CYRIA: variants seen among roughly 807,000 people sequenced by gnomAD.
CYRIA encodes the protein CYFIP related Rac1 interactor A.
Under a neutral mutation model 43.9 loss-of-function variants are expected in CYRIA, and 15 were observed. That is an observed-to-expected ratio of 0.34 (90% CI 0.23 to 0.53). The LOEUF is 0.53. Ranked by LOEUF, CYRIA falls within the 20% of genes least tolerant of loss-of-function variation. The pLI, the probability that CYRIA is intolerant of heterozygous loss-of-function variation, is 0.94. For synonymous variants in CYRIA, 117 were observed against 136.0 expected (o/e 0.86, Z 0.97); for missense variants, 236 against 394.2 (o/e 0.60, Z 3.40).
chr2:16,623,258 T>C (rs1234549445), intron 2 of CYRIA: 6 of 152,178 alleles, frequency 3.9e-5, no homozygotes. Flanking sequence ...GACATTCTAG[T>C]AGATGTGGCC....
intron 6 of CYRIA, 126 bp downstream of exon 6, chr2:16,561,879 C>G: frequency 1.1e-6 from 1 of 881,658 alleles, no homozygotes; most frequent in Non-Finnish European, 1.7e-6. Context: ...TTATATGTCT[C>G]TCTAGGGAAG....
At chr2:16,585,809 C>T (rs543482358) in intron 3 of CYRIA, among the ~76,000 whole-genome samples, 3 of 152,216 alleles carry the variant, frequency 2.0e-5, no homozygotes, top group Admixed American at 2.0e-4. Flanking sequence ...CTCTCAACGT[C>T]CCCCTATGTG....
Position 16,588,567 on chromosome 2 carries a change from G to A in CYRIA, c.-10-438C>T, listed in dbSNP as rs533853633. ...CCTGGATCCTTACAGCAAATGTTTCGGCTTTGCTTTGTTTCCTTTAGATAG... is the reference window on the plus strand; with the variant it reads ...CCTGGATCCTTACAGCAAATGTTTCAGCTTTGCTTTGTTTCCTTTAGATAG... On this transcript the variant is annotated intron_variant, in intron 2 of 11. Transcript: ENST00000381323. Among the ~76,000 whole-genome samples the A allele has an allele frequency of 1.6e-4, 25 of 152,078 alleles. No homozygotes were observed. In the East Asian group the frequency reaches 2.7e-3, roughly 16 times the overall value.
chr2:16,611,052 A>C (rs1263969159), intron 2 of CYRIA, among the ~76,000 whole-genome samples: 1 of 151,612 alleles, frequency 6.6e-6, no homozygotes. Context: ...CACAGTTCTT[A>C]ATACAGCATT....
At chr2:16,584,814 A>G (rs1015277627) in intron 3 of CYRIA, among the ~76,000 whole-genome samples, 1 of 152,004 alleles carries the variant, frequency 6.6e-6, no homozygotes, top group African/African-American at 2.4e-5. Flanking sequence ...TAGAAAAACC[A>G]CTCATTCTTT....
intron 11 of CYRIA, among the ~76,000 whole-genome samples, chr2:16,553,921 C>G (rs1226994085): frequency 6.6e-6 from 1 of 152,058 alleles, no homozygotes; most frequent in African/African-American, 2.4e-5. Context: ...AAATGGACAC[C>G]AGGAGAAAAC....
intron 11 of CYRIA, among the ~76,000 whole-genome samples, chr2:16,553,843 G>A (rs1666405442): frequency 6.6e-6 from 1 of 152,058 alleles, no homozygotes; most frequent in African/African-American, 2.4e-5. Context: ...ATTGAATGAT[G>A]CTGGAAAGCT....
At chr2:16,641,983 G>A (rs1222170911) in intron 1 of CYRIA, among the ~76,000 whole-genome samples, 2 of 152,038 alleles carry the variant, frequency 1.3e-5, no homozygotes, top group Admixed American at 1.3e-4. Flanking sequence ...TTTCCTTCTA[G>A]TCAATGTGTG....
At chr2:16,645,281 A>C (rs547042387) in intron 1 of CYRIA, among the ~76,000 whole-genome samples, 1 of 152,216 alleles carries the variant, frequency 6.6e-6, no homozygotes, top group Non-Finnish European at 1.5e-5. Flanking sequence ...TAAGATAAGC[A>C]GGCAACGATC....
chr2:16,559,329 C>T (rs1666642562), intron 10 of CYRIA, 131 bp downstream of exon 10: 2 of 1,100,288 alleles, frequency 1.8e-6, no homozygotes, highest in Non-Finnish European at 2.6e-6. Flanking sequence ...AGGACAGCTG[C>T]CAGGATGGGC....
intron 9 of CYRIA, chr2:16,560,668 A>G: frequency 2.8e-6 from 1 of 361,004 alleles, no homozygotes; most frequent in South Asian, 3.3e-5. Context: ...TATATTTATC[A>G]TGATGTCCCA....
chr2:16,576,179 A>G (rs1225363212), intron 3 of CYRIA, among the ~76,000 whole-genome samples: 1 of 152,198 alleles, frequency 6.6e-6, no homozygotes, highest in African/African-American at 2.4e-5. Context: ...TCCTGTCCTC[A>G]AGGACCTTAG....
intron 1 of CYRIA, among the ~76,000 whole-genome samples, chr2:16,638,915 A>G (rs1430099105): frequency 6.6e-6 from 1 of 152,190 alleles, no homozygotes; most frequent in Non-Finnish European, 1.5e-5. Flanking sequence ...TGTGCCCTCC[A>G]TATCTCAAAA....
chr2:16,592,586 T>A (rs1667967359), intron 2 of CYRIA, among the ~76,000 whole-genome samples: 1 of 152,156 alleles, frequency 6.6e-6, no homozygotes, highest in Non-Finnish European at 1.5e-5. Context: ...GGGTCTATTT[T>A]CCCATGCATC....
chr2:16,586,381 A>ATG (rs1399948669), intron 3 of CYRIA, among the ~76,000 whole-genome samples: 3 of 151,998 alleles, frequency 2.0e-5, no homozygotes, highest in Admixed American at 6.6e-5. Context: ...AACAACATAT[A>ATG]TGTGTGTGTG....
rs1170879229 is a variant in CYRIA, at chr2:16,601,161, G to A, written c.-10-13032C>T. Among the ~76,000 whole-genome samples the A allele has an allele frequency of 2.0e-5, 3 of 152,322 alleles. No homozygotes were observed. The East Asian group carries it at 5.8e-4, about 29-fold the overall frequency. Reference sequence around the variant, plus strand: ...GCTACTCAATAGCATGTACAGGAAGGGAGGTGTTTCTTTAGGAAATGAAGG... The same window carrying A: ...GCTACTCAATAGCATGTACAGGAAGAGAGGTGTTTCTTTAGGAAATGAAGG... On this transcript the variant is annotated intron_variant, in intron 2 of 11. Coordinates refer to ENST00000381323, the MANE Select transcript of CYRIA (RefSeq NM_030797.4).
chr2:16,648,249 C>T (rs1189854868), intron 1 of CYRIA, among the ~76,000 whole-genome samples: 1 of 151,664 alleles, frequency 6.6e-6, no homozygotes, highest in East Asian at 1.9e-4. Context: ...CATCTTGTTG[C>T]CTTGGTTCGG....
chr2:16,592,001 G>C (rs144727078), intron 2 of CYRIA, among the ~76,000 whole-genome samples: 6 of 152,160 alleles, frequency 3.9e-5, no homozygotes, highest in Non-Finnish European at 8.8e-5. Context: ...GCACATAGAA[G>C]TTTTCAGATC....
chr2:16,611,158 G>C (rs1668588113), intron 2 of CYRIA, among the ~76,000 whole-genome samples: 1 of 150,228 alleles, frequency 6.7e-6, no homozygotes, highest in African/African-American at 2.5e-5. Context: ...AAGAGATCAA[G>C]ACCATCCTTC....
Sources: allele counts gnomAD v4.1 joint callset (sites outside exome capture counted in the v4.1 genomes callset), GRCh38; gene constraint gnomAD v4.1.1; transcripts MANE v1.5; gene names NCBI Gene and HGNC (gene_info 2026-07-23, HGNC 2026-07-21).